The following CPEB2 variants were observed in gnomAD, a reference collection of about 807,000 sequenced individuals.
CPEB2 encodes the protein cytoplasmic polyadenylation element binding protein 2, also known as cytoplasmic polyadenylation element-binding protein 2.
A neutral mutation model predicts 93.6 loss-of-function variants in CPEB2; 56 were observed. That is an observed-to-expected ratio of 0.60 (90% CI 0.48 to 0.75). The LOEUF (loss-of-function observed/expected upper bound fraction) is 0.75. CPEB2 is among the 30% of genes least tolerant of loss of function. The probability of loss-of-function intolerance (pLI) is 0.00; values close to 1 mark genes in which losing one functional copy is unlikely to be tolerated. For synonymous variants in CPEB2, 764 were observed against 586.3 expected (o/e 1.30, Z -4.38); for missense variants, 1,579 against 1,395.1 (o/e 1.13, Z -2.10).
At chr4:15,017,555 C>T (rs908084073) in intron 4 of CPEB2, 3 of 219,572 alleles carry the variant, frequency 1.4e-5, no homozygotes, top group Non-Finnish European at 1.8e-5. Context: ...TAAAAGTATA[C>T]ACTAGTCACT....
rs1256087291 is a variant in CPEB2, at chr4:15,069,953, A to G, written c.*3573A>G. The G allele has an allele frequency of 6.6e-6, 1 of 152,114 alleles. No individual in the cohort carries two copies. Among genetic ancestry groups the G allele is most frequent in the Non-Finnish European group, 1.5e-5 (1 of 67,768 alleles). The allele number at this position is 152,114 out of a possible 1,614,324, so 9.4% of individuals were successfully genotyped here. A position where few individuals can be genotyped will look rare whatever the true frequency, so the allele number is the denominator to read the frequency against. On this transcript the variant is annotated 3_prime_UTR_variant, in exon 12 of 12. Coordinates refer to ENST00000538197, the MANE Select transcript of CPEB2 (RefSeq NM_001177382.2). ...CCATGCTTTTATGGACACTAGGTAA[A>G]CACCTTCAGCTTAAATTTTTCGTTA...
chr4:15,024,097 C>CAT (rs1307733011), intron 4 of CPEB2, among the ~76,000 whole-genome samples: 1 of 151,950 alleles, frequency 6.6e-6, no homozygotes, highest in Non-Finnish European at 1.5e-5. Context: ...AGTATTTATC[C>CAT]ATAGACTGTA....
At chr4:15,012,025 A>G (rs1211240567) in intron 3 of CPEB2, among the ~76,000 whole-genome samples, 1 of 152,240 alleles carries the variant, frequency 6.6e-6, no homozygotes, top group Non-Finnish European at 1.5e-5. Context: ...CAGAAAAAAT[A>G]TTATTTGAAT....
At chr4:15,053,259 G>T (rs981921373) in intron 7 of CPEB2, among the ~76,000 whole-genome samples, 2 of 151,882 alleles carry the variant, frequency 1.3e-5, no homozygotes, top group Admixed American at 1.3e-4. Context: ...CTCATGATCC[G>T]CCCACTTTAG....
intron 11 of CPEB2, among the ~76,000 whole-genome samples, chr4:15,064,990 C>G (rs909817292): frequency 2.4e-4 from 37 of 151,968 alleles, no homozygotes; most frequent in African/African-American, 8.7e-4. Flanking sequence ...AAGATACAAA[C>G]AAGCAATTCA....
Position 15,058,503 on chromosome 4 carries a change from T to C in CPEB2, c.2544T>C (p.Tyr848=), listed in dbSNP as rs558117412. ...DACIEEDGKL[Y]LCVSSPTIKD... ...GTATTGAAGAAGATGGAAAACTCTATCTGTGTGTTTCTAGCCCTACTATCA... is the reference window on the plus strand; with the variant it reads ...GTATTGAAGAAGATGGAAAACTCTACCTGTGTGTTTCTAGCCCTACTATCA... The change falls in exon 9 of 12, where the codon TAT becomes TAC. Residue 848 remains tyrosine (Y), a synonymous_variant. Coordinates refer to ENST00000538197, the MANE Select transcript of CPEB2 (RefSeq NM_001177382.2). The C allele has an allele frequency of 7.4e-6, 12 of 1,611,118 alleles. No homozygotes were observed. The highest frequency in any genetic ancestry group is 6.7e-5 in the Admixed American group (4 of 59,998).
In CPEB2 at chr4:15,066,139, T is replaced by G. The variant is rs890253563; in HGVS notation, c.2878-14T>G. On this transcript the variant is annotated splice_polypyrimidine_tract_variant and intron_variant, in intron 11 of 11. Coordinates refer to ENST00000538197, the MANE Select transcript of CPEB2 (RefSeq NM_001177382.2). Reference sequence around the variant, plus strand: ...AGCAGACCCTAATGAGACTTAACTTTCTTTTTTTTCAAGGTGGAGGTAAAG... The same window carrying G: ...AGCAGACCCTAATGAGACTTAACTTGCTTTTTTTTCAAGGTGGAGGTAAAG... 1 of 1,605,286 alleles carries G rather than the reference T, an allele frequency of 6.2e-7. No individual in the cohort carries two copies.
At chr4:15,032,299 T>C (rs1021694574) in intron 4 of CPEB2, among the ~76,000 whole-genome samples, 1 of 152,162 alleles carries the variant, frequency 6.6e-6, no homozygotes, top group Non-Finnish European at 1.5e-5. Flanking sequence ...TAATAGTCTA[T>C]TAGAGATTTA....
chr4:15,036,109 A>G (rs1429275848), intron 5 of CPEB2, among the ~76,000 whole-genome samples: 1 of 152,216 alleles, frequency 6.6e-6, no homozygotes, highest in East Asian at 1.9e-4. Flanking sequence ...AAATTCAGTA[A>G]AACTATGAAG....
Position 15,025,103 on chromosome 4 carries a change from A to G in CPEB2, c.2125+7825A>G, listed in dbSNP as rs564375165. Among the ~76,000 whole-genome samples the G allele has an allele frequency of 2.3e-3, 344 of 152,100 alleles. 1 individual carries two copies. The highest frequency in any genetic ancestry group is 3.2e-3 in the Non-Finnish European group (218 of 67,960). ...CTGTTCCTCAAATGTTAAATGTTGTATAGTCATCATCTGTTTTTCTTTTCT... is the reference window on the plus strand; with the variant it reads ...CTGTTCCTCAAATGTTAAATGTTGTGTAGTCATCATCTGTTTTTCTTTTCT... On this transcript the variant is annotated intron_variant, in intron 4 of 11. Transcript: ENST00000538197.
intron 3 of CPEB2, among the ~76,000 whole-genome samples, chr4:15,015,863 C>T (rs1724075813): frequency 6.6e-6 from 1 of 151,858 alleles, no homozygotes; most frequent in Non-Finnish European, 1.5e-5. Context: ...AAGTGATTAA[C>T]AACAATAATA....
intron 5 of CPEB2, among the ~76,000 whole-genome samples, chr4:15,035,385 A>C (rs1269859408): frequency 6.6e-6 from 1 of 152,140 alleles, no homozygotes; most frequent in Non-Finnish European, 1.5e-5. Flanking sequence ...AGAGATTAGC[A>C]TACTGCCTGA....
chr4:15,028,558 A>C (rs144295527), intron 4 of CPEB2, among the ~76,000 whole-genome samples: 141 of 152,230 alleles, frequency 9.3e-4, no homozygotes, highest in African/African-American at 3.3e-3. Context: ...TGTTTTAAAG[A>C]AGTATAGAGA....
Position 15,020,985 on chromosome 4 carries a change from A to G in CPEB2, c.2125+3707A>G, listed in dbSNP as rs576928193. ...ATGGAAAAATTGGGAGAAAGTGTCA[A>G]TTAGACAAAGGAACCAGCATGTGCA... On this transcript the variant is annotated intron_variant, in intron 4 of 11. Transcript: ENST00000538197. 1.1e-3 allele frequency among the ~76,000 whole-genome samples: 164 copies of G among 152,272 alleles called. 1 individual carries two copies. The highest frequency in any genetic ancestry group is 1.8e-3 in the Admixed American group (27 of 15,284).
At chr4:15,028,073 T>C (rs1185716511) in intron 4 of CPEB2, among the ~76,000 whole-genome samples, 1 of 152,204 alleles carries the variant, frequency 6.6e-6, no homozygotes, top group African/African-American at 2.4e-5. Context: ...ATTTTTCTTT[T>C]AGAAACAATT....
intron 6 of CPEB2, among the ~76,000 whole-genome samples, chr4:15,051,732 T>C (rs1441090775): frequency 6.6e-6 from 1 of 152,102 alleles, no homozygotes; most frequent in Non-Finnish European, 1.5e-5. Flanking sequence ...AGCCAGGGAG[T>C]ATATCAGGGC....
chr4:15,058,356 G>C, intron 8 of CPEB2, 65 bp from the exon 9 acceptor site: 3 of 837,876 alleles, frequency 3.6e-6, no homozygotes, highest in Non-Finnish European at 5.9e-6. Context: ...TTTCTAAATA[G>C]TACTGAAATT....
intron 5 of CPEB2, among the ~76,000 whole-genome samples, chr4:15,038,379 CTT>C (rs1296707783): frequency 6.6e-6 from 1 of 152,088 alleles, no homozygotes; most frequent in Admixed American, 6.5e-5. Context: ...TGACTTTAAA[CTT>C]GATGAAAATA....
At chr4:15,024,076 T>C (rs1054175753) in intron 4 of CPEB2, among the ~76,000 whole-genome samples, 1 of 152,168 alleles carries the variant, frequency 6.6e-6, no homozygotes, top group African/African-American at 2.4e-5. Flanking sequence ...TATTTATCAT[T>C]AATTCATCCC....
Sources: gnomAD v4.1 joint callset for allele counts (sites outside exome capture counted in the v4.1 genomes callset) on GRCh38, gnomAD v4.1.1 for gene constraint, MANE v1.5 for transcripts, NCBI Gene and HGNC (gene_info 2026-07-23, HGNC 2026-07-21) for gene names.